ZNF804B: variants seen among roughly 807,000 people sequenced by gnomAD.
ZNF804B encodes the protein zinc finger 804B.
In ZNF804B, 80 loss-of-function variants were observed where a neutral mutation model predicts 101.4. The observed-to-expected ratio is 0.79, with a 90% CI of 0.66 to 0.95. ZNF804B has a LOEUF of 0.95. ZNF804B is among the 40% of genes least tolerant of loss of function. ZNF804B has a pLI of 0.00. For synonymous variants in ZNF804B, 622 were observed against 558.8 expected (o/e 1.11, Z -1.59); for missense variants, 1,673 against 1,561.9 (o/e 1.07, Z -1.20).
intron 1 of ZNF804B, among the ~76,000 whole-genome samples, chr7:89,076,247 C>T (rs1789613947): frequency 6.6e-6 from 1 of 152,150 alleles, no homozygotes; most frequent in South Asian, 2.1e-4. Flanking sequence ...ACCCAAATCT[C>T]ATCTTGAATT....
chr7:88,917,551 G>A (rs1452791746), intron 1 of ZNF804B, among the ~76,000 whole-genome samples: 1 of 152,112 alleles, frequency 6.6e-6, no homozygotes, highest in Admixed American at 6.6e-5. Context: ...TATGTCTTTG[G>A]AATCAGGGGA....
At chr7:89,154,406 G>A (rs1233497244) in intron 1 of ZNF804B, among the ~76,000 whole-genome samples, 1 of 152,094 alleles carries the variant, frequency 6.6e-6, no homozygotes, top group Non-Finnish European at 1.5e-5. Context: ...AGAGATATCT[G>A]TATTTCCATG....
chr7:88,894,138 T>C (rs574974540), intron 1 of ZNF804B, among the ~76,000 whole-genome samples: 2 of 152,228 alleles, frequency 1.3e-5, no homozygotes, highest in African/African-American at 4.8e-5. Context: ...TGTTGGAAAA[T>C]AGTTAATTTT....
intron 1 of ZNF804B, among the ~76,000 whole-genome samples, chr7:88,916,680 G>A (rs7805966): frequency 0.55 from 83,817 of 151,908 alleles, 26,753 homozygotes; most frequent in African/African-American, 0.87. Flanking sequence ...TGTGCCTTTT[G>A]TTTCTGTCAT....
At chr7:88,900,496 C>G (rs1251860535) in intron 1 of ZNF804B, among the ~76,000 whole-genome samples, 3 of 149,348 alleles carry the variant, frequency 2.0e-5, no homozygotes, top group Admixed American at 6.8e-5. Context: ...TCCATTTGAT[C>G]TATTAAATTT....
intron 1 of ZNF804B, among the ~76,000 whole-genome samples, chr7:89,154,010 T>A (rs1308168183): frequency 1.3e-5 from 2 of 151,890 alleles, no homozygotes; most frequent in Non-Finnish European, 2.9e-5. Context: ...GTTCAGAATA[T>A]GTAAGGAACA....
intron 2 of ZNF804B, among the ~76,000 whole-genome samples, chr7:89,314,839 C>A (rs1014477567): frequency 1.3e-5 from 2 of 152,108 alleles, no homozygotes; most frequent in African/African-American, 4.8e-5. Context: ...TTGTTTTATT[C>A]TCCCTGTTGT....
intron 1 of ZNF804B, among the ~76,000 whole-genome samples, chr7:88,857,346 C>A (rs765831597): frequency 6.6e-6 from 1 of 151,762 alleles, no homozygotes; most frequent in Non-Finnish European, 1.5e-5. Flanking sequence ...AAAAGCTCAA[C>A]GAAATTGATA....
intron 1 of ZNF804B, among the ~76,000 whole-genome samples, chr7:88,831,430 T>A (rs1436199619): frequency 6.6e-6 from 1 of 152,076 alleles, no homozygotes; most frequent in East Asian, 1.9e-4. Context: ...GTTTCCAAAT[T>A]TAACCTTATA....
chr7:89,220,057 A>G (rs1401779834), intron 2 of ZNF804B, among the ~76,000 whole-genome samples: 1 of 132,486 alleles, frequency 7.5e-6, no homozygotes, highest in Non-Finnish European at 1.6e-5. Context: ...ATATATACAT[A>G]TATACGCACA....
intron 1 of ZNF804B, among the ~76,000 whole-genome samples, chr7:88,793,892 C>CT (rs1253560743): frequency 6.6e-6 from 1 of 151,664 alleles, no homozygotes; most frequent in Non-Finnish European, 1.5e-5. Flanking sequence ...TTCAGCCATA[C>CT]TTTTTTTTGA....
intron 1 of ZNF804B, among the ~76,000 whole-genome samples, chr7:88,804,048 A>G (rs543434405): frequency 6.6e-6 from 1 of 152,246 alleles, no homozygotes; most frequent in African/African-American, 2.4e-5. Flanking sequence ...CTAAACAAAA[A>G]TAAAAAAGCC....
intron 1 of ZNF804B, among the ~76,000 whole-genome samples, chr7:88,926,112 A>T (rs1792793055): frequency 6.6e-6 from 1 of 152,120 alleles, no homozygotes; most frequent in African/African-American, 2.4e-5. Context: ...TACTGTGACT[A>T]TGGAAATATG....
intron 1 of ZNF804B, among the ~76,000 whole-genome samples, chr7:89,058,933 A>G (rs916335482): frequency 2.3e-5 from 3 of 132,192 alleles, no homozygotes; most frequent in Admixed American, 8.2e-5. Context: ...CGTTCAAGTG[A>G]TCTTCGAAGT....
chr7:89,062,262 A>G (rs1374448177), intron 1 of ZNF804B, among the ~76,000 whole-genome samples: 3 of 152,142 alleles, frequency 2.0e-5, no homozygotes, highest in Admixed American at 1.3e-4. Context: ...GACATGGAAT[A>G]CAAGGCACTC....
At chr7:89,323,039 C>T (rs188515836) in intron 2 of ZNF804B, among the ~76,000 whole-genome samples, 20 of 152,278 alleles carry the variant, frequency 1.3e-4, no homozygotes, top group African/African-American at 4.3e-4. Context: ...GACATGAGGG[C>T]GTAGCCTTCG....
intron 2 of ZNF804B, among the ~76,000 whole-genome samples, chr7:89,258,797 GA>G (rs1267483140): frequency 6.6e-6 from 1 of 151,898 alleles, no homozygotes; most frequent in Non-Finnish European, 1.5e-5. Flanking sequence ...TCATAGGAAA[GA>G]AAAAATATAT....
chr7:88,872,887 G>T (rs1791858977), intron 1 of ZNF804B, among the ~76,000 whole-genome samples: 1 of 151,230 alleles, frequency 6.6e-6, no homozygotes, highest in Admixed American at 6.6e-5. Flanking sequence ...CATTTGGGTT[G>T]GTTCCAAGTC....
chr7:89,059,778 C>A (rs1172492387), intron 1 of ZNF804B, among the ~76,000 whole-genome samples: 1 of 152,050 alleles, frequency 6.6e-6, no homozygotes, highest in African/African-American at 2.4e-5. Context: ...TAAGGAATAC[C>A]TAAAAACCTG....
Sources: allele counts gnomAD v4.1 joint callset (sites outside exome capture counted in the v4.1 genomes callset), GRCh38; gene constraint gnomAD v4.1.1; transcripts MANE v1.5; gene names NCBI Gene and HGNC (gene_info 2026-07-23, HGNC 2026-07-21).